Variants in ASIC2 observed in about 807,000 individuals in gnomAD.
ASIC2 encodes the protein acid sensing ion channel subunit 2, also known as acid-sensing ion channel 2.
In ASIC2, 25 loss-of-function variants were observed where a neutral mutation model predicts 57.3. The observed-to-expected ratio is 0.44, with a 90% confidence interval of 0.32 to 0.61. ASIC2 has a LOEUF of 0.61. Among genes scored for constraint, ASIC2 ranks in the 20% least tolerant of loss-of-function variants. The probability of loss-of-function intolerance (pLI) is 0.06; values close to 1 mark genes in which losing one functional copy is unlikely to be tolerated. For synonymous variants in ASIC2, 319 were observed against 307.5 expected (o/e 1.04, Z -0.39); for missense variants, 641 against 738.1 (o/e 0.87, Z 1.52).
chr17:33,682,590 C>G (rs775100607), intron 1 of ASIC2, among the ~76,000 whole-genome samples: 1,980 of 152,264 alleles, frequency 0.013, 16 homozygotes, highest in Middle Eastern at 0.02. Flanking sequence ...CTTAATGCCA[C>G]AGTCAAATTA....
chr17:33,576,543 G>A (rs1021500275), intron 1 of ASIC2, among the ~76,000 whole-genome samples: 2 of 152,150 alleles, frequency 1.3e-5, no homozygotes, highest in Non-Finnish European at 2.9e-5. Context: ...TTGCCTCTCT[G>A]TGTTACTTCA....
intron 1 of ASIC2, among the ~76,000 whole-genome samples, chr17:33,535,884 G>A (rs1039714405): frequency 3.3e-5 from 5 of 152,138 alleles, no homozygotes; most frequent in Admixed American, 2.6e-4. Context: ...CTAATTGCAC[G>A]ATGCATAAAA....
At chr17:33,101,080 G>A (rs1471694516) in intron 2 of ASIC2, among the ~76,000 whole-genome samples, 1 of 152,166 alleles carries the variant, frequency 6.6e-6, no homozygotes, top group African/African-American at 2.4e-5. Flanking sequence ...CATCCCAGCT[G>A]GCTGCTGTAG....
chr17:33,364,785 A>G, intron 1 of ASIC2, among the ~76,000 whole-genome samples: 1 of 152,220 alleles, frequency 6.6e-6, no homozygotes, highest in East Asian at 1.9e-4. Flanking sequence ...ATGGACTAAT[A>G]TAATGTCTTT....
chr17:33,394,055 A>T (rs1221642028), intron 1 of ASIC2, among the ~76,000 whole-genome samples: 3 of 152,238 alleles, frequency 2.0e-5, no homozygotes, highest in African/African-American at 7.2e-5. Flanking sequence ...ACGCATAAAG[A>T]GTTTAGCACA....
intron 1 of ASIC2, among the ~76,000 whole-genome samples, chr17:33,590,428 C>T (rs1436247659): frequency 1.3e-5 from 2 of 152,128 alleles, no homozygotes; most frequent in East Asian, 3.8e-4. Flanking sequence ...GCCCCCTGCA[C>T]AGGTACTTCA....
chr17:33,636,736 A>C (rs1264618881), intron 1 of ASIC2, among the ~76,000 whole-genome samples: 1 of 152,144 alleles, frequency 6.6e-6, no homozygotes, highest in Non-Finnish European at 1.5e-5. Context: ...CACACACAGC[A>C]CTCAGACACA....
At chr17:33,757,539 A>T (rs1910644921) in intron 1 of ASIC2, among the ~76,000 whole-genome samples, 1 of 152,136 alleles carries the variant, frequency 6.6e-6, no homozygotes, top group Non-Finnish European at 1.5e-5. Flanking sequence ...AGATCTTTGG[A>T]CCAGCTCCTT....
intron 1 of ASIC2, among the ~76,000 whole-genome samples, chr17:33,579,729 T>G (rs1020766812): frequency 6.6e-6 from 1 of 152,150 alleles, no homozygotes; most frequent in African/African-American, 2.4e-5. Context: ...TTAAAAGTAG[T>G]GCGGACCCAA....
In ASIC2 at chr17:33,563,753, T is replaced by C. The variant is rs907128581; in HGVS notation, c.556-451686A>G. 8.5e-5 allele frequency among the ~76,000 whole-genome samples: 13 copies of C among 152,262 alleles called. No homozygotes were observed. In the East Asian group the frequency reaches 2.5e-3, roughly 29 times the overall value. ...TCTAGTAGAACCCCATAGCTTTTAA[T>C]ATGGCGAATCCAAGGCCACATGGGG... is the stretch of plus-strand genomic sequence containing the variant. On this transcript the variant is annotated intron_variant, in intron 1 of 9. Coordinates refer to the ASIC2 transcript ENST00000359872.
At chr17:33,262,259 C>T (rs1044619936) in intron 1 of ASIC2, among the ~76,000 whole-genome samples, 1 of 151,932 alleles carries the variant, frequency 6.6e-6, no homozygotes, top group Non-Finnish European at 1.5e-5. Flanking sequence ...ATCTCTTTCC[C>T]TTTCTTTCTC....
intron 1 of ASIC2, among the ~76,000 whole-genome samples, chr17:33,512,165 G>T (rs563078367): frequency 3.3e-5 from 5 of 152,302 alleles, no homozygotes; most frequent in South Asian, 2.1e-4. Context: ...AGGTCTTAAT[G>T]GTTCCAGGAG....
chr17:33,571,989 A>T (rs1916462198), intron 1 of ASIC2: 1 of 152,230 alleles, frequency 6.6e-6, no homozygotes, highest in Admixed American at 6.5e-5. Context: ...CTCTGGCAGA[A>T]GATGAAGACT....
At chr17:33,956,506 C>T (rs908102992) in intron 1 of ASIC2, among the ~76,000 whole-genome samples, 2 of 152,186 alleles carry the variant, frequency 1.3e-5, no homozygotes, top group Non-Finnish European at 2.9e-5. Flanking sequence ...TTCCAAGCTG[C>T]ACCCCTGAGA....
At chr17:33,532,684 C>A (rs1915088959) in intron 1 of ASIC2, among the ~76,000 whole-genome samples, 1 of 152,250 alleles carries the variant, frequency 6.6e-6, no homozygotes, top group African/African-American at 2.4e-5. Flanking sequence ...GTCCTCTTGA[C>A]CCTGTCTCAG....
intron 1 of ASIC2, among the ~76,000 whole-genome samples, chr17:33,987,678 G>A (rs1023523993): frequency 2.7e-5 from 4 of 150,368 alleles, no homozygotes; most frequent in African/African-American, 7.5e-5. Context: ...ACCAACCAAC[G>A]AACCAGAAAG....
chr17:34,033,572 G>A (rs867638258), intron 1 of ASIC2, among the ~76,000 whole-genome samples: 18 of 152,030 alleles, frequency 1.2e-4, no homozygotes, highest in African/African-American at 3.9e-4. Context: ...TAATGAATCC[G>A]GGAGTTGCTT....
intron 1 of ASIC2, among the ~76,000 whole-genome samples, chr17:33,162,892 C>T (rs114566355): frequency 0.012 from 1,837 of 152,300 alleles, 37 homozygotes; most frequent in East Asian, 0.061. Flanking sequence ...CACACTCCTT[C>T]GTCTTTTCTG....
At chr17:33,710,806 T>G (rs567996868) in intron 1 of ASIC2, among the ~76,000 whole-genome samples, 1 of 152,164 alleles carries the variant, frequency 6.6e-6, no homozygotes, top group Admixed American at 6.5e-5. Flanking sequence ...GCAGGAGTTA[T>G]CATGTTATAA....
Sources: allele counts gnomAD v4.1 joint callset (sites outside exome capture counted in the v4.1 genomes callset), GRCh38; gene constraint gnomAD v4.1.1; transcripts MANE v1.5; gene names NCBI Gene and HGNC (gene_info 2026-07-23, HGNC 2026-07-21).